The following PCMTD1 variants were observed in gnomAD, a reference collection of about 807,000 sequenced individuals.
PCMTD1 encodes the protein protein-L-isoaspartate O-methyltransferase domain-containing protein 1.
PCMTD1 carries 12 observed loss-of-function variants against 37.6 expected under a neutral mutation model. The observed-to-expected ratio is 0.32, with a 90% CI of 0.20 to 0.52. The LOEUF (loss-of-function observed/expected upper bound fraction) is 0.52, where lower values mean the gene tolerates loss of function less well. Among genes scored for constraint, PCMTD1 ranks in the 20% least tolerant of loss-of-function variants. The probability of loss-of-function intolerance (pLI) is 0.97; values close to 1 mark genes in which losing one functional copy is unlikely to be tolerated. For synonymous variants in PCMTD1, 117 were observed against 135.8 expected (o/e 0.86, Z 0.96); for missense variants, 235 against 421.3 (o/e 0.56, Z 3.87).
intron 1 of PCMTD1, among the ~76,000 whole-genome samples, chr8:51,864,647 T>C (rs1034226431): frequency 1.3e-5 from 2 of 151,640 alleles, no homozygotes; most frequent in Non-Finnish European, 2.9e-5. Context: ...AAAAAGAAAA[T>C]AAAGATATCT....
chr8:51,885,772 A>G (rs2038857013), intron 1 of PCMTD1, among the ~76,000 whole-genome samples: 1 of 152,104 alleles, frequency 6.6e-6, no homozygotes, highest in African/African-American at 2.4e-5. Flanking sequence ...ACTCAACACC[A>G]CAGAAGAGTG....
chr8:51,822,120 A>G (rs1450611766), intron 5 of PCMTD1, among the ~76,000 whole-genome samples: 3 of 152,196 alleles, frequency 2.0e-5, no homozygotes, highest in Non-Finnish European at 4.4e-5. Context: ...ACAGCCATGT[A>G]AACATCTTGC....
intron 1 of PCMTD1, among the ~76,000 whole-genome samples, chr8:51,865,927 C>A (rs1442823010): frequency 2.0e-5 from 3 of 151,486 alleles, no homozygotes; most frequent in African/African-American, 7.3e-5. Context: ...TAAAGACCCA[C>A]CAAAAAACTA....
rs765235807 is a variant in PCMTD1 at position 51,861,157 on chromosome 8, T to G, written c.-6A>C. The G allele has an allele frequency of 5.1e-6, 8 of 1,574,008 alleles. No homozygotes were observed. The Admixed American group carries it at 1.1e-4, about 21-fold the overall frequency. On this transcript the variant is annotated 5_prime_UTR_variant, in exon 2 of 6. Transcript: ENST00000522514. ...GCACTCACAGCTCCTCCCATGATAG[T>G]ATTCAAATCAAATCATAAATTTAAA...
At chr8:51,895,919 G>GTTAGTA (rs1445052676) in intron 1 of PCMTD1, 3 of 134,588 alleles carry the variant, frequency 2.2e-5, no homozygotes, top group African/African-American at 8.8e-5. Flanking sequence ...CTTTATTAAT[G>GTTAGTA]TTAGTATTTG....
intron 5 of PCMTD1, among the ~76,000 whole-genome samples, chr8:51,823,612 T>G (rs2037879122): frequency 6.6e-6 from 1 of 152,198 alleles, no homozygotes; most frequent in South Asian, 2.1e-4. Context: ...ATTTAACAGA[T>G]AAGACAATAC....
chr8:51,889,187 G>A lies in PCMTD1; in HGVS notation c.-96+9743C>T, dbSNP rs139850119. Among the ~76,000 whole-genome samples, 46 of 152,200 alleles carry A rather than the reference G, an allele frequency of 3.0e-4. 1 individual carries two copies. Among genetic ancestry groups the A allele is most frequent in the African/African-American group, 8.7e-4 (36 of 41,520 alleles). ...TCCAAGTTTGGCCTCTACTTAAAAC[G>A]GATATTGCTTCTAGGTTAGGTCCGT... On this transcript the variant is annotated intron_variant, in intron 1 of 5. Transcript: ENST00000522514.
chr8:51,845,887 T>C, intron 2 of PCMTD1, 124 bp from the exon 3 acceptor site: 1 of 585,238 alleles, frequency 1.7e-6, no homozygotes, highest in Non-Finnish European at 2.9e-6. Context: ...ATGCAAATAC[T>C]TCCTAGCCTC....
intron 3 of PCMTD1, among the ~76,000 whole-genome samples, chr8:51,841,061 A>AT (rs1008529541): frequency 1.3e-5 from 2 of 152,318 alleles, no homozygotes; most frequent in African/African-American, 4.8e-5. Context: ...GGAAAGAAAT[A>AT]TTAGAATAAA....
intron 2 of PCMTD1, among the ~76,000 whole-genome samples, chr8:51,853,859 T>A (rs1245081594): frequency 2.0e-5 from 3 of 152,092 alleles, no homozygotes; most frequent in Non-Finnish European, 2.9e-5. Context: ...CTTCACTTTA[T>A]CCCACCTTAG....
chr8:51,890,433 C>T (rs974691982), intron 1 of PCMTD1, among the ~76,000 whole-genome samples: 7 of 152,042 alleles, frequency 4.6e-5, no homozygotes, highest in African/African-American at 1.7e-4. Flanking sequence ...CCGCTCTAGC[C>T]GCCAAGACAC....
chr8:51,847,398 G>A (rs910230353), intron 2 of PCMTD1, among the ~76,000 whole-genome samples: 28 of 152,114 alleles, frequency 1.8e-4, no homozygotes, highest in African/African-American at 3.9e-4. Flanking sequence ...AGGCCAAGGC[G>A]GGCAGATGGC....
chr8:51,885,522 C>T (rs2038853096), intron 1 of PCMTD1, among the ~76,000 whole-genome samples: 1 of 152,182 alleles, frequency 6.6e-6, no homozygotes, highest in Non-Finnish European at 1.5e-5. Flanking sequence ...TTAACTGAAG[C>T]ACATGTTCTT....
intron 1 of PCMTD1, among the ~76,000 whole-genome samples, chr8:51,891,416 G>A (rs73592242): frequency 0.014 from 2,131 of 151,958 alleles, 52 homozygotes; most frequent in African/African-American, 0.048. Flanking sequence ...ACAATTAGCC[G>A]GGCATCGTGG....
At chr8:51,894,227 T>C (rs1202818046) in intron 1 of PCMTD1, among the ~76,000 whole-genome samples, 1 of 152,210 alleles carries the variant, frequency 6.6e-6, no homozygotes, top group East Asian at 1.9e-4. Context: ...AAAAGTAAAG[T>C]AAAACTGAAG....
chr8:51,897,897 T>C (rs768115665), intron 1 of PCMTD1, among the ~76,000 whole-genome samples: 18 of 152,114 alleles, frequency 1.2e-4, no homozygotes, highest in Non-Finnish European at 1.6e-4. Flanking sequence ...CTGTACTATA[T>C]ATGATCCCAA....
At chr8:51,836,223 C>G (rs1402264285) in intron 3 of PCMTD1, among the ~76,000 whole-genome samples, 1 of 152,172 alleles carries the variant, frequency 6.6e-6, no homozygotes, top group Non-Finnish European at 1.5e-5. Context: ...GCTGCACTAT[C>G]AAGATGAAAG....
chr8:51,881,596 T>C (rs1032568829), intron 1 of PCMTD1, among the ~76,000 whole-genome samples: 2 of 152,086 alleles, frequency 1.3e-5, no homozygotes, highest in African/African-American at 4.8e-5. Flanking sequence ...AGATCTGATT[T>C]TGTCCAACTT....
At chr8:51,857,407 A>C (rs1585821571) in intron 2 of PCMTD1, among the ~76,000 whole-genome samples, 1 of 152,244 alleles carries the variant, frequency 6.6e-6, no homozygotes, top group Non-Finnish European at 1.5e-5. Context: ...GGTTTATACA[A>C]GAAAATGAAA....
Sources: gnomAD v4.1 joint callset for allele counts (sites outside exome capture counted in the v4.1 genomes callset) on GRCh38, gnomAD v4.1.1 for gene constraint, MANE v1.5 for transcripts, NCBI Gene and HGNC (gene_info 2026-07-23, HGNC 2026-07-21) for gene names.